Variants in PIK3C2G observed in about 807,000 individuals in gnomAD.
PIK3C2G encodes the protein phosphatidylinositol-4-phosphate 3-kinase catalytic subunit type 2 gamma, also known as phosphatidylinositol 3-kinase C2 domain-containing subunit gamma.
A neutral mutation model predicts 181.1 loss-of-function variants in PIK3C2G; 168 were observed. The ratio of observed to expected loss-of-function variants is 0.93; its 90% CI spans 0.82 to 1.05. The LOEUF is 1.05. PIK3C2G is among the 50% of genes least tolerant of loss of function. PIK3C2G has a pLI of 0.00. For missense variants in PIK3C2G, 1,869 were observed against 1,732.8 expected (o/e 1.08, Z -1.40); for synonymous variants, 573 against 592.2 (o/e 0.97, Z 0.47).
chr12:18,677,609 T>C, the PIK3C2G span, among the ~76,000 whole-genome samples: 28 of 152,128 alleles, frequency 1.8e-4, no homozygotes, highest in African/African-American at 6.7e-4. Flanking sequence ...TAGAATAACC[T>C]AAAGAATTTT....
chr12:18,618,721 C>A (rs573743256), intron 31 of PIK3C2G, among the ~76,000 whole-genome samples: 204 of 152,118 alleles, frequency 1.3e-3, no homozygotes, highest in African/African-American at 4.7e-3. Context: ...AAAAAACACA[C>A]TTGAAATCAA....
intron 17 of PIK3C2G, among the ~76,000 whole-genome samples, chr12:18,423,148 T>A (rs12230320): frequency 0.23 from 33,638 of 146,400 alleles, 3,912 homozygotes; most frequent in Admixed American, 0.34. Context: ...AGAGAGAGAG[T>A]GTGTGTGTGT....
chr12:18,637,142 A>T (rs1949639130), intron 31 of PIK3C2G, among the ~76,000 whole-genome samples: 1 of 152,170 alleles, frequency 6.6e-6, no homozygotes, highest in Non-Finnish European at 1.5e-5. Flanking sequence ...GCCAGTGTCC[A>T]GTAGTTCCCA....
intron 31 of PIK3C2G, among the ~76,000 whole-genome samples, chr12:18,624,482 A>C (rs1949003415): frequency 1.3e-5 from 2 of 151,692 alleles, no homozygotes; most frequent in Admixed American, 1.3e-4. Context: ...TGTGAAGACT[A>C]TTGGCCTGTA....
chr12:18,448,071 G>A (rs890525992), intron 18 of PIK3C2G, among the ~76,000 whole-genome samples: 4 of 152,140 alleles, frequency 2.6e-5, no homozygotes, highest in East Asian at 1.9e-4. Flanking sequence ...AAAATGTAAC[G>A]AAGAATATTC....
Position 18,290,959 on chromosome 12 carries a change from A to C in PIK3C2G, c.866A>C (p.Asn289Thr). 2 of 1,594,146 alleles carry C rather than the reference A, an allele frequency of 1.3e-6. No homozygotes were observed. The highest frequency in any genetic ancestry group is 1.7e-6 in the Non-Finnish European group (2 of 1,162,034). ...PYQLFSKTKFNIHIFIDNSTQ... is the reference protein window; with the variant it reads ...PYQLFSKTKFTIHIFIDNSTQ... ...CAGCTCTTTTCTAAGACCAAGTTTA[A>C]TATACATATTTTTATTGATAACTCA... The change falls in exon 4 of 33, where the codon AAT becomes ACT. Residue 289 changes from asparagine to threonine, a missense_variant. Asn to Thr is a moderately conservative substitution (Grantham distance 65, BLOSUM62 0). Transcript: ENST00000538779.
intron 7 of PIK3C2G, among the ~76,000 whole-genome samples, chr12:18,321,920 C>T (rs1484939869): frequency 2.0e-5 from 3 of 152,138 alleles, no homozygotes; most frequent in African/African-American, 7.2e-5. Flanking sequence ...AGGGGAACAA[C>T]ACACACTGGG....
chr12:18,711,987 T>A, the PIK3C2G span, among the ~76,000 whole-genome samples: 84 of 152,234 alleles, frequency 5.5e-4, no homozygotes, highest in Non-Finnish European at 1.0e-3. Flanking sequence ...GTAGATAAAT[T>A]TATATAAATT....
intron 5 of PIK3C2G, among the ~76,000 whole-genome samples, chr12:18,296,772 T>A (rs775763185): frequency 6.6e-6 from 1 of 152,022 alleles, no homozygotes; most frequent in Non-Finnish European, 1.5e-5. Flanking sequence ...ACTCTCCCTG[T>A]CTGATTTTAA....
At chr12:18,677,018 C>T in the PIK3C2G span, among the ~76,000 whole-genome samples, 2 of 151,948 alleles carry the variant, frequency 1.3e-5, no homozygotes, top group African/African-American at 2.4e-5. Context: ...CATAAATCAC[C>T]ATGAACAATA....
In PIK3C2G at chr12:18,282,004, G is replaced by T; in HGVS notation, c.-78G>T. 3 of 831,442 alleles carry T rather than the reference G, an allele frequency of 3.6e-6. No homozygotes were observed. Among genetic ancestry groups the T allele is most frequent in the Non-Finnish European group, 5.6e-6 (3 of 538,718 alleles). The allele number at this position is 831,442 out of a possible 1,614,324, so 51.5% of individuals were successfully genotyped here. ...TTCTTTCATTTTATGCTTTTTCTAG[G>T]AAAATTTCTATCTTCTTTTGTATTA... On this transcript the variant is annotated splice_region_variant and 5_prime_UTR_variant, in exon 2 of 33. An upstream open reading frame in the 5' UTR gains an earlier in-frame stop. Coordinates refer to ENST00000538779, the MANE Select transcript of PIK3C2G (RefSeq NM_001288772.2).
chr12:18,523,503 A>G (rs1257334736), intron 24 of PIK3C2G, among the ~76,000 whole-genome samples: 1 of 152,210 alleles, frequency 6.6e-6, no homozygotes, highest in African/African-American at 2.4e-5. Context: ...CTTCATTTAT[A>G]GGTAATTACT....
Position 18,319,660 on chromosome 12 carries a change from A to G in PIK3C2G, c.1138-1302A>G, listed in dbSNP as rs77014222. Among the ~76,000 whole-genome samples the G allele has an allele frequency of 2.2e-3, 334 of 152,342 alleles. 2 individuals are homozygous for G. Among genetic ancestry groups the G allele is most frequent in the Middle Eastern group, 0.01 (3 of 294 alleles). On this transcript the variant is annotated intron_variant, in intron 6 of 32. Transcript: ENST00000538779. ...TATGCTTCATAGAAAGATGTAACTA[A>G]GTATATTCTTTATATTCTTGCTTTG...
At chr12:18,334,622 T>C (rs80324119) in intron 8 of PIK3C2G, among the ~76,000 whole-genome samples, 1 of 145,396 alleles carries the variant, frequency 6.9e-6, no homozygotes, top group Non-Finnish European at 1.5e-5. Flanking sequence ...AGTGTTCAAC[T>C]TTTTTTTTCT....
chr12:18,282,505 A>G lies in PIK3C2G; in HGVS notation c.424A>G (p.Ser142Gly). The part of the protein sequence containing the change: ...KHHGADDSRF[S>G]ILAPSFTSLD... ...TCATGGTGCTGATGATTCCAGATTC[A>G]GTATTTTAGCTCCATCATTCACAAG... is the stretch of plus-strand genomic sequence containing the variant. Residue 142 changes from serine (S) to glycine (G), a missense_variant, in exon 2 of 33, where the codon AGT becomes GGT. Coordinates refer to ENST00000538779, the MANE Select transcript of PIK3C2G (RefSeq NM_001288772.2). 6.2e-7 allele frequency: 1 copy of G among 1,612,302 alleles called. No individual in the cohort carries two copies. Among genetic ancestry groups the G allele is most frequent in the Non-Finnish European group, 8.5e-7 (1 of 1,178,646 alleles).
chr12:18,658,672 T>C, the PIK3C2G span, among the ~76,000 whole-genome samples: 6 of 152,282 alleles, frequency 3.9e-5, no homozygotes, highest in East Asian at 1.2e-3. Flanking sequence ...CATATATACA[T>C]AACCGACCTG....
chr12:18,481,137 T>C (rs1447527593), intron 18 of PIK3C2G, among the ~76,000 whole-genome samples: 6 of 152,114 alleles, frequency 3.9e-5, no homozygotes, highest in Non-Finnish European at 8.8e-5. Flanking sequence ...GGTTTCACCA[T>C]GTTGGCCAGG....
the PIK3C2G span, among the ~76,000 whole-genome samples, chr12:18,668,795 C>T: frequency 6.6e-6 from 1 of 152,126 alleles, no homozygotes; most frequent in Non-Finnish European, 1.5e-5. Flanking sequence ...TCACCTCAGG[C>T]CTGCCCAGCT....
At chr12:18,540,179 A>G (rs1944076149) in intron 25 of PIK3C2G, among the ~76,000 whole-genome samples, 2 of 151,836 alleles carry the variant, frequency 1.3e-5, no homozygotes, top group South Asian at 4.1e-4. Flanking sequence ...CATTAACATA[A>G]GAGACCCAGA....
Sources: allele counts gnomAD v4.1 joint callset (sites outside exome capture counted in the v4.1 genomes callset), GRCh38; gene constraint gnomAD v4.1.1; transcripts MANE v1.5; gene names NCBI Gene and HGNC (gene_info 2026-07-23, HGNC 2026-07-21).